Variants in USP47 observed in about 807,000 individuals in gnomAD.
USP47 encodes ubiquitin specific peptidase 47, also known as ubiquitin carboxyl-terminal hydrolase 47.
A neutral mutation model predicts 165.1 loss-of-function variants in USP47; 35 were observed. That is an observed-to-expected ratio of 0.21 (90% confidence interval 0.16 to 0.28). The LOEUF (loss-of-function observed/expected upper bound fraction) is 0.28. Ranked by LOEUF, USP47 falls within the 10% of genes least tolerant of loss-of-function variation. The pLI, the probability that USP47 is intolerant of heterozygous loss-of-function variation, is 1.00. For missense variants in USP47, 1,277 were observed against 1,607.4 expected (o/e 0.79, Z 3.52); for synonymous variants, 531 against 544.5 (o/e 0.98, Z 0.35).
At chr11:11,850,826 G>A (rs143377194) in intron 1 of USP47, among the ~76,000 whole-genome samples, 10 of 152,314 alleles carry the variant, frequency 6.6e-5, no homozygotes, top group African/African-American at 2.2e-4. Flanking sequence ...TAAAGGTGCC[G>A]GCAGATTTGG....
At chr11:11,909,855 G>A (rs754495528) in intron 8 of USP47, among the ~76,000 whole-genome samples, 75 of 152,168 alleles carry the variant, frequency 4.9e-4, no homozygotes, top group Admixed American at 2.2e-3. Flanking sequence ...AAATTAGTAA[G>A]TGTGAAATCA....
At chr11:11,875,745 G>A (rs61870719) in intron 1 of USP47, among the ~76,000 whole-genome samples, 1 of 152,022 alleles carries the variant, frequency 6.6e-6, no homozygotes, top group South Asian at 2.1e-4. Context: ...CTGAGGTTAC[G>A]GGCGTGTGCC....
rs116607770 is a variant in USP47, at chr11:11,933,362, C to T, written c.1764+246C>T. Among the ~76,000 whole-genome samples, 869 of 152,092 alleles carry T rather than the reference C, an allele frequency of 5.7e-3. 10 individuals are homozygous for T. Among genetic ancestry groups the T allele is most frequent in the African/African-American group, 0.02 (829 of 41,506 alleles). On this transcript the variant is annotated intron_variant, in intron 15 of 27. Coordinates refer to ENST00000527733, the MANE Select transcript of USP47 (RefSeq NM_001282659.2). ...GTTGAGGTAGACACATTCTCTTATC[C>T]TACTAAAAGAAAATAAATCCGTAAA...
intron 11 of USP47, among the ~76,000 whole-genome samples, chr11:11,929,060 A>G (rs1228620566): frequency 2.6e-5 from 4 of 151,644 alleles, no homozygotes; most frequent in African/African-American, 9.8e-5. Flanking sequence ...TGAATAAGAA[A>G]CAGTATGTTA....
chr11:11,925,085 C>T lies in USP47; in HGVS notation c.1386+2194C>T, dbSNP rs116215386. On this transcript the variant is annotated intron_variant, in intron 11 of 27. Coordinates refer to ENST00000527733, the MANE Select transcript of USP47 (RefSeq NM_001282659.2). ...TTTATTTGTGTCTTTAATTTCTTTC[C>T]TTGATGTTTTTTTGTTTTAGTTTTT... Among the ~76,000 whole-genome samples the T allele has an allele frequency of 5.8e-3, 873 of 150,190 alleles. 10 individuals are homozygous for T. Among genetic ancestry groups the T allele is most frequent in the African/African-American group, 0.02 (833 of 41,102 alleles).
At chr11:11,953,427 G>A (rs1045151103) in intron 25 of USP47, among the ~76,000 whole-genome samples, 12 of 151,902 alleles carry the variant, frequency 7.9e-5, no homozygotes, top group African/African-American at 2.9e-4. Flanking sequence ...AATGTACTAG[G>A]TGAAAATATG....
chr11:11,873,771 G>A (rs2134261061), intron 1 of USP47: 1 of 1,258,476 alleles, frequency 7.9e-7, no homozygotes, highest in Non-Finnish European at 1.0e-6. Flanking sequence ...TAAATAATTT[G>A]TAATTCATTT....
intron 18 of USP47, among the ~76,000 whole-genome samples, chr11:11,939,271 G>C (rs1254771440): frequency 1.3e-5 from 2 of 151,964 alleles, no homozygotes; most frequent in African/African-American, 4.8e-5. Flanking sequence ...CCCTGGTGTA[G>C]TGGAAATTGT....
chr11:11,853,985 A>G (rs1292517960), intron 1 of USP47, among the ~76,000 whole-genome samples: 1 of 151,884 alleles, frequency 6.6e-6, no homozygotes, highest in Non-Finnish European at 1.5e-5. Flanking sequence ...AATAAAAAAA[A>G]TTAGCCGGGT....
chr11:11,871,062 T>C (rs1365317448), intron 1 of USP47, among the ~76,000 whole-genome samples: 1 of 152,140 alleles, frequency 6.6e-6, no homozygotes, highest in African/African-American at 2.4e-5. Flanking sequence ...TTGTAAACAG[T>C]TTGATCCTTT....
rs769046134 is a variant in USP47, at chr11:11,940,457, G to A, written c.2222G>A (p.Arg741Lys). ...KAIHLPAETM[R>K]IVLERCYNDL... ...ATCCATTTACCTGCTGAAACAATGAGAATAGTGCTGGAACGCTGCTACAAT... is the reference window on the plus strand; with the variant it reads ...ATCCATTTACCTGCTGAAACAATGAAAATAGTGCTGGAACGCTGCTACAAT... Residue 741 changes from arginine (R) to lysine (K), a missense_variant, in exon 19 of 28, where the codon AGA (arginine) becomes AAA (lysine). Arg to Lys is a conservative substitution (Grantham distance 26). Coordinates refer to ENST00000527733, the MANE Select transcript of USP47 (RefSeq NM_001282659.2). 6.2e-7 allele frequency: 1 copy of A among 1,611,010 alleles called. No individual in the cohort carries two copies. Among genetic ancestry groups the A allele is most frequent in the South Asian group, 1.1e-5 (1 of 90,816 alleles).
intron 1 of USP47, among the ~76,000 whole-genome samples, chr11:11,851,517 A>G (rs1848726534): frequency 1.3e-5 from 2 of 152,284 alleles, no homozygotes; most frequent in South Asian, 4.1e-4. Flanking sequence ...AAGAGTACAA[A>G]GTTTCCGTAT....
intron 24 of USP47, chr11:11,951,145 G>A (rs1341705319): frequency 1.3e-5 from 2 of 152,214 alleles, no homozygotes; most frequent in African/African-American, 4.8e-5. Flanking sequence ...TGGCAACCTT[G>A]GCTTGTAGAT....
chr11:11,944,942 A>T (rs1373516220), intron 20 of USP47, among the ~76,000 whole-genome samples: 4 of 152,226 alleles, frequency 2.6e-5, no homozygotes, highest in Non-Finnish European at 5.9e-5. Flanking sequence ...TTAGAATTAT[A>T]GTTTGAAAAG....
chr11:11,877,872 T>C (rs1315130380), intron 1 of USP47, among the ~76,000 whole-genome samples: 1 of 141,072 alleles, frequency 7.1e-6, no homozygotes, highest in Non-Finnish European at 1.5e-5. Context: ...CGCGCGCAGA[T>C]AAGATATTTG....
Position 11,942,080 on chromosome 11 carries a change from A to G in USP47, c.2314-255A>G, listed in dbSNP as rs576935375. Among the ~76,000 whole-genome samples the G allele has an allele frequency of 5.9e-5, 9 of 152,248 alleles. No homozygotes were observed. In the East Asian group the frequency reaches 1.3e-3, roughly 23 times the overall value. The stretch of plus-strand genomic sequence containing the variant: ...CAACTTTCTGAAATTGGACAACCCA[A>G]TAAACAAGATGTTTGTGTGTATGTG... On this transcript the variant is annotated intron_variant, in intron 19 of 27. Coordinates refer to ENST00000527733, the MANE Select transcript of USP47 (RefSeq NM_001282659.2).
intron 11 of USP47, among the ~76,000 whole-genome samples, chr11:11,928,675 T>A (rs1181277530): frequency 2.0e-5 from 3 of 152,006 alleles, no homozygotes; most frequent in Non-Finnish European, 4.4e-5. Context: ...GTTTGCAGAG[T>A]CTCTAGTATC....
At chr11:11,881,698 A>C (rs1850842502) in intron 2 of USP47, among the ~76,000 whole-genome samples, 1 of 152,074 alleles carries the variant, frequency 6.6e-6, no homozygotes, top group Non-Finnish European at 1.5e-5. Flanking sequence ...ATTTGACCTA[A>C]TCTTGTATTA....
At chr11:11,877,249 G>A (rs974545070) in intron 1 of USP47, among the ~76,000 whole-genome samples, 3 of 152,130 alleles carry the variant, frequency 2.0e-5, no homozygotes, top group African/African-American at 7.2e-5. Flanking sequence ...AGAGGGGAAA[G>A]GAGGAGAGAA....
Sources: gnomAD v4.1 joint callset for allele counts (sites outside exome capture counted in the v4.1 genomes callset) on GRCh38, gnomAD v4.1.1 for gene constraint, MANE v1.5 for transcripts, NCBI Gene and HGNC (gene_info 2026-07-23, HGNC 2026-07-21) for gene names.